Variants in DNAH11 observed in about 807,000 individuals in gnomAD.
The protein encoded by DNAH11 is dynein axonemal heavy chain 11, also known as axonemal beta dynein heavy chain 11.
A neutral mutation model predicts 526.0 loss-of-function variants in DNAH11; 442 were observed. The ratio of observed to expected loss-of-function variants is 0.84; its 90% CI spans 0.78 to 0.91. The LOEUF (loss-of-function observed/expected upper bound fraction) is 0.91. DNAH11 is among the 40% of genes least tolerant of loss of function. The pLI is 0.00. For synonymous variants in DNAH11, 2,461 were observed against 1,935.9 expected (o/e 1.27, Z -7.12); for missense variants, 6,989 against 5,448.7 (o/e 1.28, Z -8.90).
chr7:21,770,440 G>C (rs1454794343), intron 55 of DNAH11, among the ~76,000 whole-genome samples: 1 of 152,148 alleles, frequency 6.6e-6, no homozygotes, highest in Non-Finnish European at 1.5e-5. Context: ...TTCACACTCA[G>C]AAAGTTTTGG....
chr7:21,607,266 C>T (rs1785331306), intron 20 of DNAH11, among the ~76,000 whole-genome samples: 2 of 152,152 alleles, frequency 1.3e-5, no homozygotes, highest in Admixed American at 6.5e-5. Context: ...CTCAGCCAGC[C>T]TAGTCCTTCC....
At chr7:21,548,796 G>T (rs763095386) in intron 2 of DNAH11, among the ~76,000 whole-genome samples, 2 of 152,198 alleles carry the variant, frequency 1.3e-5, no homozygotes, top group African/African-American at 2.4e-5. Context: ...GCCTAGAGAG[G>T]CAAGAGGAGT....
At chr7:21,679,538 AG>A (rs929078336) in intron 30 of DNAH11, among the ~76,000 whole-genome samples, 23 of 152,330 alleles carry the variant, frequency 1.5e-4, no homozygotes, top group African/African-American at 5.3e-4. Flanking sequence ...AATAAAGCCC[AG>A]GGGGTGGAGA....
chr7:21,742,073 A>G lies in DNAH11; in HGVS notation c.8061A>G (p.Ile2687Met). 1 of 1,613,980 alleles carries G rather than the reference A, an allele frequency of 6.2e-7. No homozygotes were observed. The highest frequency in any genetic ancestry group is 8.5e-7 in the Non-Finnish European group (1 of 1,179,848). ...RSGPTLIQAT[I>M]AFHQTMMCNF... Reference sequence around the variant, plus strand: ...GCCCCACTTTGATCCAGGCAACAATAGCATTCCATCAGACAATGATGTGTA... The same window carrying G: ...GCCCCACTTTGATCCAGGCAACAATGGCATTCCATCAGACAATGATGTGTA... Residue 2687 changes from isoleucine (I) to methionine (M), a missense_variant, in exon 49 of 82, where the codon ATA (isoleucine) becomes ATG (methionine). Coordinates refer to ENST00000409508, the MANE Select transcript of DNAH11 (RefSeq NM_001277115.2).
At chr7:21,588,692 T>G in intron 11 of DNAH11, 56 bp downstream of exon 11, 1 of 1,577,070 alleles carries the variant, frequency 6.3e-7, no homozygotes, top group Non-Finnish European at 8.7e-7. Flanking sequence ...GGTGACATTT[T>G]ATATAAGAGA....
chr7:21,888,202 T>C (rs1039291800), intron 76 of DNAH11, among the ~76,000 whole-genome samples: 4 of 152,180 alleles, frequency 2.6e-5, no homozygotes, highest in African/African-American at 9.7e-5. Flanking sequence ...AATTCAATCT[T>C]GAGTAATGTC....
rs1443411684 is a variant in DNAH11 at position 21,873,676 on chromosome 7, A to C, written c.12195+175A>C. Among the ~76,000 whole-genome samples, 3 of 150,470 alleles carry C rather than the reference A, an allele frequency of 2.0e-5. No homozygotes were observed. In the East Asian group the frequency reaches 5.9e-4, roughly 29 times the overall value. On this transcript the variant is annotated intron_variant, in intron 74 of 81. Coordinates refer to ENST00000409508, the MANE Select transcript of DNAH11 (RefSeq NM_001277115.2). ...ATCTCTTGAAAGAATTGCCCCTGTCATTTCCGATTCTAATGACCAGTAAAT... is the reference window on the plus strand; with the variant it reads ...ATCTCTTGAAAGAATTGCCCCTGTCCTTTCCGATTCTAATGACCAGTAAAT...
chr7:21,810,422 A>T (rs1789465539), intron 63 of DNAH11, among the ~76,000 whole-genome samples: 1 of 152,206 alleles, frequency 6.6e-6, no homozygotes, highest in African/African-American at 2.4e-5. Context: ...ATGGGCACAG[A>T]TATTATTAGA....
chr7:21,617,822 A>C lies in DNAH11; in HGVS notation c.4254+45A>C, dbSNP rs368070200. 1.0e-3 allele frequency: 1,534 copies of C among 1,503,078 alleles called. 4 individuals are homozygous for C. Among genetic ancestry groups the C allele is most frequent in the Non-Finnish European group, 1.3e-3 (1,450 of 1,124,898 alleles). 93.1% of individuals were successfully genotyped at this position (1,503,078 alleles called of 1,614,324 possible). A position where few individuals can be genotyped will look rare whatever the true frequency, so the allele number is the denominator to read the frequency against. On this transcript the variant is annotated intron_variant, in intron 23 of 81. Transcript: ENST00000409508. Reference sequence around the variant, plus strand: ...CTAATGAACCTTTTTATGACTGTGAAGTGTTACTTCTTGGTTTGCATCATC... The same window carrying C: ...CTAATGAACCTTTTTATGACTGTGACGTGTTACTTCTTGGTTTGCATCATC...
chr7:21,569,654 C>A (rs74394484), intron 6 of DNAH11, among the ~76,000 whole-genome samples: 1 of 152,158 alleles, frequency 6.6e-6, no homozygotes, highest in African/African-American at 2.4e-5. Context: ...ACAAGTGGTC[C>A]TGAACTACCA....
At chr7:21,819,252 C>T (rs1370920596) in intron 65 of DNAH11, among the ~76,000 whole-genome samples, 1 of 151,856 alleles carries the variant, frequency 6.6e-6, no homozygotes, top group African/African-American at 2.4e-5. Flanking sequence ...AGGTATCTGT[C>T]CCCTTTTTCA....
intron 24 of DNAH11, 68 bp from the exon 25 acceptor site, chr7:21,619,886 TCC>T: frequency 7.0e-7 from 1 of 1,437,512 alleles, no homozygotes; most frequent in South Asian, 1.3e-5. Flanking sequence ...AAAAATTAAT[TCC>T]AGATAATAGT....
At chr7:21,744,097 C>A (rs1290485768) in intron 49 of DNAH11, among the ~76,000 whole-genome samples, 1 of 152,140 alleles carries the variant, frequency 6.6e-6, no homozygotes, top group Non-Finnish European at 1.5e-5. Context: ...AAATATGATT[C>A]TGTGACTTTC....
chr7:21,702,644 A>G, intron 36 of DNAH11, 66 bp from the exon 37 acceptor site: 1 of 1,389,290 alleles, frequency 7.2e-7, no homozygotes, highest in Non-Finnish European at 1.0e-6. Context: ...TTCAGCTCTT[A>G]CCTCTGGAAT....
chr7:21,563,545 T>G (rs890106055), intron 5 of DNAH11, among the ~76,000 whole-genome samples: 10 of 151,238 alleles, frequency 6.6e-5, no homozygotes, highest in African/African-American at 2.2e-4. Context: ...TTTGTTCTAT[T>G]GAAATAAACT....
Position 21,844,037 on chromosome 7 carries a change from T to C in DNAH11, c.10896+1289T>C, listed in dbSNP as rs560870359. ...TTGAAGAAGTAAGCTAGAATACTTT[T>C]TCTTAGTATAAATCAGGGGTCCGCA... On this transcript the variant is annotated intron_variant, in intron 66 of 81. Transcript: ENST00000409508. Among the ~76,000 whole-genome samples the C allele has an allele frequency of 4.6e-5, 7 of 152,358 alleles. No homozygotes were observed. In the East Asian group the frequency reaches 1.3e-3, roughly 29 times the overall value.
Position 21,639,022 on chromosome 7 carries a change from CTGA to C in DNAH11, c.4903_4905del (p.Asp1635del). On this transcript the variant is annotated inframe_deletion, in exon 28 of 82. Coordinates refer to ENST00000409508, the MANE Select transcript of DNAH11 (RefSeq NM_001277115.2). ...CCTCGCTTCTATTTCGTCTCTTCTG[CTGA>C]TTTACTTGACATTCTCTCAAAAGGA... The C allele has an allele frequency of 6.2e-7, 1 of 1,613,664 alleles. No individual in the cohort carries two copies. Among genetic ancestry groups the C allele is most frequent in the Non-Finnish European group, 8.5e-7 (1 of 1,179,710 alleles).
intron 68 of DNAH11, among the ~76,000 whole-genome samples, chr7:21,855,248 A>G (rs11760670): frequency 0.57 from 86,460 of 151,772 alleles, 25,945 homozygotes; most frequent in Non-Finnish European, 0.68. Flanking sequence ...AGCCAGAATG[A>G]TCTCTATCTC....
At chr7:21,640,250 A>G (rs541256304) in intron 28 of DNAH11, among the ~76,000 whole-genome samples, 3 of 152,332 alleles carry the variant, frequency 2.0e-5, no homozygotes, top group Admixed American at 2.0e-4. Flanking sequence ...TTAGCACACA[A>G]TTGGATGCCT....
Sources: gnomAD v4.1 joint callset for allele counts (sites outside exome capture counted in the v4.1 genomes callset) on GRCh38, gnomAD v4.1.1 for gene constraint, MANE v1.5 for transcripts, NCBI Gene and HGNC (gene_info 2026-07-23, HGNC 2026-07-21) for gene names.